DRGX: variants seen among roughly 807,000 people sequenced by gnomAD.
The protein encoded by DRGX is dorsal root ganglia homeobox, also known as dorsal root ganglia homeobox protein.
Under a neutral mutation model 28.6 loss-of-function variants are expected in DRGX, and 21 were observed. That is an observed-to-expected ratio of 0.73 (90% CI 0.52 to 1.06). The LOEUF (loss-of-function observed/expected upper bound fraction) is 1.06, where lower values mean the gene tolerates loss of function less well. DRGX is among the 50% of genes least tolerant of loss of function. The pLI, the probability that DRGX is intolerant of heterozygous loss-of-function variation, is 0.00. For synonymous variants in DRGX, 136 were observed against 139.1 expected (o/e 0.98, Z 0.16); for missense variants, 354 against 343.9 (o/e 1.03, Z -0.23).
chr10:49,375,435 G>A (rs1185690928), intron 6 of DRGX, among the ~76,000 whole-genome samples: 1 of 152,154 alleles, frequency 6.6e-6, no homozygotes, highest in Non-Finnish European at 1.5e-5. Context: ...CATCTCCCAG[G>A]TTCTAAGCTT....
chr10:49,395,023 C>T (rs542356020), intron 2 of DRGX, among the ~76,000 whole-genome samples: 3 of 152,362 alleles, frequency 2.0e-5, no homozygotes, highest in Admixed American at 1.3e-4. Flanking sequence ...CAGGACGCGG[C>T]GGGTCCACTC....
At chr10:49,391,135 A>G (rs371041411) in intron 3 of DRGX, 29 bp downstream of exon 3, 2 of 1,610,066 alleles carry the variant, frequency 1.2e-6, no homozygotes, top group African/African-American at 2.7e-5. Flanking sequence ...GAAGTAGCTG[A>G]TGTTTGAAAG....
At chr10:49,385,210 G>A (rs536311689) in intron 6 of DRGX, among the ~76,000 whole-genome samples, 1 of 152,286 alleles carries the variant, frequency 6.6e-6, no homozygotes, top group African/African-American at 2.4e-5. Flanking sequence ...GCTGAAGGAA[G>A]TACCAGGAGA....
At chr10:49,368,463 C>A (rs17009959) in intron 6 of DRGX, among the ~76,000 whole-genome samples, 1 of 152,224 alleles carries the variant, frequency 6.6e-6, no homozygotes, top group Non-Finnish European at 1.5e-5. Flanking sequence ...GGTCAAACCC[C>A]GAGGCCTGGC....
intron 6 of DRGX, among the ~76,000 whole-genome samples, chr10:49,377,607 T>C (rs904607489): frequency 7.9e-5 from 12 of 152,322 alleles, no homozygotes; most frequent in African/African-American, 2.4e-4. Flanking sequence ...CATTCAACCC[T>C]ACCCCAAGCT....
intron 6 of DRGX, among the ~76,000 whole-genome samples, chr10:49,378,923 T>C (rs910546102): frequency 6.6e-6 from 1 of 152,194 alleles, no homozygotes; most frequent in African/African-American, 2.4e-5. Context: ...AGTACATATA[T>C]GTATATGTGA....
Position 49,364,619 on chromosome 10 carries a change from G to A in DRGX, c.*1497C>T, listed in dbSNP as rs576295021. ...CAACTTTGCCGCTTTTTGGCAAATC[G>A]TTTCATCTTTATACTCAACAAGCAA... On this transcript the variant is annotated 3_prime_UTR_variant, in exon 7 of 7. Transcript: ENST00000374139. 10 of 152,078 alleles carry A rather than the reference G, an allele frequency of 6.6e-5. No individual in the cohort carries two copies. Among genetic ancestry groups the A allele is most frequent in the South Asian group, 2.1e-4 (1 of 4,826 alleles). 9.4% of individuals were successfully genotyped at this position (152,078 alleles called of 1,614,324 possible).
At position 49,392,523 on chromosome 10, in the gene DRGX, T is replaced by C. The variant is rs139171682; in HGVS notation, c.35-1262A>G. On this transcript the variant is annotated intron_variant, in intron 2 of 6. Coordinates refer to ENST00000374139, the MANE Select transcript of DRGX (RefSeq NM_001276451.2). ...CTCAAAGCAGTCTTATTTTCATTAC[T>C]TTGCAAGAAAACAAATTGTCTTTTT... Among the ~76,000 whole-genome samples the C allele has an allele frequency of 9.3e-3, 1,412 of 152,364 alleles. 10 individuals carry two copies. Among genetic ancestry groups the C allele is most frequent in the Middle Eastern group, 0.051 (15 of 294 alleles).
chr10:49,386,457 C>G (rs780891942), intron 6 of DRGX, 21 bp downstream of exon 6: 3 of 1,520,370 alleles, frequency 2.0e-6, no homozygotes, highest in Middle Eastern at 2.2e-4. Context: ...CGCCCACCAG[C>G]CCAGCCGAAC....
chr10:49,382,568 T>C (rs749713790), intron 6 of DRGX, among the ~76,000 whole-genome samples: 32 of 152,158 alleles, frequency 2.1e-4, no homozygotes, highest in Non-Finnish European at 4.0e-4. Context: ...CAGGCCTAGA[T>C]TGGGCTGTGT....
intron 6 of DRGX, among the ~76,000 whole-genome samples, chr10:49,385,085 C>A (rs866488367): frequency 2.0e-5 from 3 of 152,126 alleles, no homozygotes; most frequent in South Asian, 4.1e-4. Flanking sequence ...TGGCTGCCTG[C>A]ACAACTGTAG....
chr10:49,374,568 AATTTG>A (rs1436044152), intron 6 of DRGX, among the ~76,000 whole-genome samples: 1 of 152,164 alleles, frequency 6.6e-6, no homozygotes, highest in East Asian at 1.9e-4. Flanking sequence ...TAAAACACAC[AATTTG>A]ATTTCCATTA....
In DRGX at chr10:49,395,469, G is replaced by A; in HGVS notation, c.-29C>T. 1 of 1,549,546 alleles carries A rather than the reference G, an allele frequency of 6.5e-7. No homozygotes were observed. The highest frequency in any genetic ancestry group is 1.2e-5 in the South Asian group (1 of 84,064). ...CGGCTGTCAGATCGGCTGGACGGCC[G>A]AGACCTGGGAGGGTGGCAGCAGAAC... On this transcript the variant is annotated 5_prime_UTR_variant, in exon 2 of 7. Coordinates refer to ENST00000374139, the MANE Select transcript of DRGX (RefSeq NM_001276451.2).
intron 6 of DRGX, among the ~76,000 whole-genome samples, chr10:49,369,426 G>T (rs1237525032): frequency 2.0e-5 from 3 of 152,178 alleles, no homozygotes. Context: ...GACTTAAAAG[G>T]AAGGGAATTC....
intron 6 of DRGX, among the ~76,000 whole-genome samples, chr10:49,377,609 C>T (rs1849729933): frequency 6.6e-6 from 1 of 152,214 alleles, no homozygotes; most frequent in Admixed American, 6.5e-5. Flanking sequence ...TTCAACCCTA[C>T]CCCAAGCTAA....
intron 6 of DRGX, among the ~76,000 whole-genome samples, chr10:49,373,784 A>C (rs1391908869): frequency 1.3e-5 from 2 of 152,250 alleles, no homozygotes; most frequent in Non-Finnish European, 2.9e-5. Context: ...CAAATGGACT[A>C]AGATGATCCA....
At chr10:49,386,622 C>G in intron 5 of DRGX, 32 bp from the exon 6 acceptor site, 1 of 1,591,316 alleles carries the variant, frequency 6.3e-7, no homozygotes, top group Non-Finnish European at 8.6e-7. Flanking sequence ...ATTGAGGTCT[C>G]GCCCTGTGTC....
chr10:49,368,757 C>T (rs1359548729), intron 6 of DRGX, among the ~76,000 whole-genome samples: 1 of 152,220 alleles, frequency 6.6e-6, no homozygotes, highest in Non-Finnish European at 1.5e-5. Context: ...GTGTTTTCCT[C>T]TCTATATCTA....
intron 6 of DRGX, among the ~76,000 whole-genome samples, chr10:49,370,270 T>C (rs987354273): frequency 6.6e-6 from 1 of 152,138 alleles, no homozygotes; most frequent in Non-Finnish European, 1.5e-5. Flanking sequence ...CCAGGTGTGG[T>C]GGCTTGCACC....
Sources: gnomAD v4.1 joint callset for allele counts (sites outside exome capture counted in the v4.1 genomes callset) on GRCh38, gnomAD v4.1.1 for gene constraint, MANE v1.5 for transcripts, NCBI Gene and HGNC (gene_info 2026-07-23, HGNC 2026-07-21) for gene names.